Variants in UBE2E2 observed in about 807,000 individuals in gnomAD.
UBE2E2 encodes the protein ubiquitin conjugating enzyme E2 E2.
A neutral mutation model predicts 24.7 loss-of-function variants in UBE2E2; 6 were observed. The observed-to-expected ratio is 0.24, with a 90% confidence interval of 0.13 to 0.48. UBE2E2 has a LOEUF of 0.48. Ranked by LOEUF, UBE2E2 falls within the 20% of genes least tolerant of loss-of-function variation. The pLI is 0.99. For synonymous variants in UBE2E2, 104 were observed against 83.6 expected (o/e 1.24, Z -1.33); for missense variants, 169 against 245.0 (o/e 0.69, Z 2.07).
intron 3 of UBE2E2, among the ~76,000 whole-genome samples, chr3:23,231,075 C>T (rs1449197250): frequency 6.6e-6 from 1 of 152,064 alleles, no homozygotes; most frequent in South Asian, 2.1e-4. Context: ...AATTTATTTG[C>T]TTATTTCAGA....
rs531302453 is a variant in UBE2E2, at chr3:23,407,527, C to T, written c.228-92081C>T. On this transcript the variant is annotated intron_variant, in intron 3 of 5. Coordinates refer to ENST00000396703, the MANE Select transcript of UBE2E2 (RefSeq NM_152653.4). The surrounding 1 kb of genome is among the most constrained non-coding windows in gnomAD (Gnocchi z 4.0). ...GCTCCCGTACTCATCCCTCTTCTTT[C>T]ACTACCGTCAACATTTGCTACATCC... Among the ~76,000 whole-genome samples the T allele has an allele frequency of 6.6e-6, 1 of 152,096 alleles. No individual in the cohort carries two copies. The highest frequency in any genetic ancestry group is 2.4e-5 in the African/African-American group (1 of 41,424).
At chr3:23,272,643 A>G (rs891782424) in intron 3 of UBE2E2, among the ~76,000 whole-genome samples, 1 of 152,194 alleles carries the variant, frequency 6.6e-6, no homozygotes, top group African/African-American at 2.4e-5. Flanking sequence ...TTCTACAGAG[A>G]AATAGACTAT....
At chr3:23,309,290 C>T (rs1290433632) in intron 3 of UBE2E2, among the ~76,000 whole-genome samples, 2 of 152,280 alleles carry the variant, frequency 1.3e-5, no homozygotes, top group African/African-American at 4.8e-5. Context: ...ATCTAAACAT[C>T]CCTCAATCCA....
At position 23,582,332 on chromosome 3, in the gene UBE2E2, C is replaced by T. The variant is rs181821609; in HGVS notation, c.509-7402C>T. Among the ~76,000 whole-genome samples, 5 of 152,126 alleles carry T rather than the reference C, an allele frequency of 3.3e-5. No individual in the cohort carries two copies. The East Asian group carries it at 9.7e-4, about 29-fold the overall frequency. On this transcript the variant is annotated intron_variant, in intron 5 of 5. Transcript: ENST00000396703. ...CATTGATGGGCATTTAGGTTGATTCCATGTCTTTGCTGATGTGAATAGGGC... is the reference window on the plus strand; with the variant it reads ...CATTGATGGGCATTTAGGTTGATTCTATGTCTTTGCTGATGTGAATAGGGC...
In UBE2E2 at chr3:23,480,566, A is replaced by T. The variant is rs552211683; in HGVS notation, c.228-19042A>T. Among the ~76,000 whole-genome samples the T allele has an allele frequency of 1.4e-4, 21 of 151,892 alleles. No homozygotes were observed. In the South Asian group the frequency reaches 4.4e-3, roughly 32 times the overall value. On this transcript the variant is annotated intron_variant, in intron 3 of 5. Coordinates refer to ENST00000396703, the MANE Select transcript of UBE2E2 (RefSeq NM_152653.4). ...CTGCGCCTCCCCCACTACAGCTGGC[A>T]TCCGTACAGCAGCTGCTGCAGAGAG... is the stretch of plus-strand genomic sequence containing the variant.
chr3:23,209,841 G>A (rs1321302044), intron 2 of UBE2E2, among the ~76,000 whole-genome samples: 1 of 152,178 alleles, frequency 6.6e-6, no homozygotes. Context: ...GGGATGGTGA[G>A]TGGTTATTCC....
downstream of UBE2E2, chr3:23,591,880 G>A (rs943596895): frequency 2.0e-5 from 3 of 152,088 alleles, no homozygotes; most frequent in African/African-American, 7.2e-5. Flanking sequence ...TTAAAATTCA[G>A]CACTAAAGGC....
At chr3:23,321,882 C>T (rs1383318736) in intron 3 of UBE2E2, among the ~76,000 whole-genome samples, 2 of 151,748 alleles carry the variant, frequency 1.3e-5, no homozygotes, top group African/African-American at 4.8e-5. Flanking sequence ...AAAAGCACCA[C>T]CTTCCAGTGT....
chr3:23,516,176 C>G (rs1005927917), intron 4 of UBE2E2, among the ~76,000 whole-genome samples: 1 of 152,150 alleles, frequency 6.6e-6, no homozygotes, highest in African/African-American at 2.4e-5. Context: ...AGTTTAAGAA[C>G]AACTTTTTTC....
chr3:23,586,971 C>T (rs6775891), intron 5 of UBE2E2, among the ~76,000 whole-genome samples: 47,184 of 151,196 alleles, frequency 0.31, 8,120 homozygotes, highest in East Asian at 0.51. Flanking sequence ...ATGTTAACAG[C>T]AGTTTTCTTT....
At chr3:23,204,402 T>C (rs951509586) in intron 1 of UBE2E2, among the ~76,000 whole-genome samples, 5 of 152,246 alleles carry the variant, frequency 3.3e-5, no homozygotes, top group Non-Finnish European at 7.3e-5. Context: ...GAGAGTCTAC[T>C]AAAATATTTT....
intron 5 of UBE2E2, among the ~76,000 whole-genome samples, chr3:23,574,025 G>T (rs1696285862): frequency 6.6e-6 from 1 of 152,124 alleles, no homozygotes; most frequent in African/African-American, 2.4e-5. Flanking sequence ...ATATGCAATG[G>T]AGTACTATTC....
chr3:23,505,090 G>GC (rs1694414584), intron 4 of UBE2E2, among the ~76,000 whole-genome samples: 1 of 107,680 alleles, frequency 9.3e-6, no homozygotes, highest in African/African-American at 3.8e-5. Flanking sequence ...TTTTTTTTTT[G>GC]TTTTTTTTTT....
At chr3:23,212,066 A>G (rs564644115) in intron 2 of UBE2E2, among the ~76,000 whole-genome samples, 1 of 152,358 alleles carries the variant, frequency 6.6e-6, no homozygotes, top group Middle Eastern at 3.4e-3. Context: ...AATGTACTAT[A>G]ATTGTAGAAT....
intron 3 of UBE2E2, among the ~76,000 whole-genome samples, chr3:23,298,294 A>G (rs905792286): frequency 3.4e-4 from 52 of 151,992 alleles, no homozygotes; most frequent in Admixed American, 1.6e-3. Flanking sequence ...TCTCCTGCCT[A>G]ATTGCCCTGG....
chr3:23,534,288 CCTT>C (rs1695201713), intron 5 of UBE2E2: 2 of 965,066 alleles, frequency 2.1e-6, no homozygotes, highest in Non-Finnish European at 2.5e-6. Context: ...TCCACCAAAG[CCTT>C]CTCTCAGCAA....
At chr3:23,582,183 A>G (rs1420027602) in intron 5 of UBE2E2, among the ~76,000 whole-genome samples, 1 of 152,202 alleles carries the variant, frequency 6.6e-6, no homozygotes, top group African/African-American at 2.4e-5. Context: ...GTGTTTGCTT[A>G]AGATGATGGC....
intron 1 of UBE2E2, among the ~76,000 whole-genome samples, chr3:23,208,175 T>A (rs756867996): frequency 6.6e-6 from 1 of 152,028 alleles, no homozygotes; most frequent in African/African-American, 2.4e-5. Flanking sequence ...TCCCAAAACA[T>A]TGGGGATTAC....
At chr3:23,425,959 A>C (rs1417078101) in intron 3 of UBE2E2, among the ~76,000 whole-genome samples, 3 of 152,210 alleles carry the variant, frequency 2.0e-5, no homozygotes, top group African/African-American at 4.8e-5. Context: ...CAGGAATTTA[A>C]AACAACTATC....
Sources: allele counts gnomAD v4.1 joint callset (sites outside exome capture counted in the v4.1 genomes callset), GRCh38; gene constraint gnomAD v4.1.1; non-coding constraint Gnocchi (gnomAD v3.1); transcripts MANE v1.5; gene names NCBI Gene and HGNC (gene_info 2026-07-23, HGNC 2026-07-21).